Variants in MARCHF2 observed in about 807,000 individuals in gnomAD.
MARCHF2 encodes E3 ubiquitin-protein ligase MARCHF2.
A neutral mutation model predicts 24.0 loss-of-function variants in MARCHF2; 22 were observed. The observed-to-expected ratio is 0.92, with a 90% CI of 0.66 to 1.31. The LOEUF is 1.31. Among genes scored for constraint, MARCHF2 ranks in the 50% most tolerant of loss-of-function variants. The pLI is 0.00. For missense variants in MARCHF2, 301 were observed against 335.3 expected (o/e 0.90, Z 0.80); for synonymous variants, 154 against 153.0 (o/e 1.01, Z -0.05).
Position 8,438,576 on chromosome 19 carries a change from G to A in MARCHF2, c.*30G>A, listed in dbSNP as rs770968286. On this transcript the variant is annotated 3_prime_UTR_variant, in exon 5 of 5. Coordinates refer to ENST00000215555, the MANE Select transcript of MARCHF2 (RefSeq NM_001005415.2). ...TGGGCTCTCCGGACCCTGCAGCAGA[G>A]AGGCCAGAGGTAGCTGGTGATACCC... 5 of 1,608,886 alleles carry A rather than the reference G, an allele frequency of 3.1e-6. No individual in the cohort carries two copies. The highest frequency in any genetic ancestry group is 4.2e-6 in the Non-Finnish European group (5 of 1,176,928).
chr19:8,426,681 C>T lies in MARCHF2; in HGVS notation c.249C>T (p.Thr83=), dbSNP rs149294406. 5.2e-5 allele frequency: 84 copies of T among 1,613,828 alleles called. No homozygotes were observed. Among genetic ancestry groups the T allele is most frequent in the East Asian group, 6.7e-5 (3 of 44,898 alleles). The stretch of plus-strand genomic sequence containing the variant: ...GCTTGCTGTCCCCGTGTGGCTGCAC[C>T]GGCACGCTGGGTGCCGTGCATAAGA... The part of the protein sequence containing the change: ...GECLLSPCGC[T]GTLGAVHKSC... The change falls in exon 3 of 5, where the codon ACC becomes ACT. Residue 83 remains threonine, a synonymous_variant. Coordinates refer to ENST00000215555, the MANE Select transcript of MARCHF2 (RefSeq NM_001005415.2).
At chr19:8,428,087 C>G (rs891710316) in intron 3 of MARCHF2, among the ~76,000 whole-genome samples, 6 of 152,150 alleles carry the variant, frequency 3.9e-5, no homozygotes, top group Non-Finnish European at 2.9e-5. Context: ...GGTGAAACCC[C>G]ATCTCTACTA....
intron 2 of MARCHF2, 128 bp downstream of exon 2, chr19:8,422,144 G>C: frequency 1.0e-6 from 1 of 968,688 alleles, no homozygotes; most frequent in Non-Finnish European, 1.5e-6. Flanking sequence ...TAGAGAAAGA[G>C]ACACAAACAG....
At chr19:8,420,180 T>TA (rs992540370) in intron 1 of MARCHF2, among the ~76,000 whole-genome samples, 3 of 132,918 alleles carry the variant, frequency 2.3e-5, no homozygotes, top group African/African-American at 8.5e-5. Flanking sequence ...AATAAATAAA[T>TA]AAATAAATAA....
chr19:8,428,576 G>C (rs1967477798), intron 3 of MARCHF2, among the ~76,000 whole-genome samples: 1 of 148,518 alleles, frequency 6.7e-6, no homozygotes, highest in Admixed American at 6.8e-5. Context: ...CTTAAAGCTG[G>C]GAGGCGGAGT....
chr19:8,429,625 C>T (rs1967521856), intron 3 of MARCHF2, among the ~76,000 whole-genome samples: 1 of 151,554 alleles, frequency 6.6e-6, no homozygotes, highest in Non-Finnish European at 1.5e-5. Flanking sequence ...CTGCCTCAGC[C>T]TCCTGAGTAG....
At chr19:8,424,197 G>A (rs1967333322) in intron 2 of MARCHF2, among the ~76,000 whole-genome samples, 2 of 152,246 alleles carry the variant, frequency 1.3e-5, no homozygotes, top group South Asian at 4.1e-4. Flanking sequence ...CCCAGAGACT[G>A]GGCCAGGGCT....
chr19:8,413,647 T>C (rs1384773452), intron 1 of MARCHF2: 1 of 152,124 alleles, frequency 6.6e-6, no homozygotes, highest in African/African-American at 2.4e-5. Flanking sequence ...CCTGTGAAAC[T>C]GGGTCATCCC....
At chr19:8,421,247 C>T (rs968546614) in intron 1 of MARCHF2, among the ~76,000 whole-genome samples, 1 of 151,850 alleles carries the variant, frequency 6.6e-6, no homozygotes, top group Non-Finnish European at 1.5e-5. Flanking sequence ...CTCAGCCTCC[C>T]AAGTAGCTGG....
rs1323132640 is a variant in MARCHF2 at position 8,430,628 on chromosome 19, C to A, written c.373-30C>A. 2 of 1,590,594 alleles carry A rather than the reference C, an allele frequency of 1.3e-6. No individual in the cohort carries two copies. The highest frequency in any genetic ancestry group is 1.7e-6 in the Non-Finnish European group (2 of 1,169,080). ...CTCAGTAGCCCCTTCTCTGCCCCCT[C>A]TCCTCTGCCCCCTATCCTCTCCCCT... On this transcript the variant is annotated intron_variant, in intron 3 of 4. Transcript: ENST00000215555. The surrounding 1 kb of genome is among the most constrained non-coding windows in gnomAD (Gnocchi z 4.4).
chr19:8,419,775 C>T, intron 1 of MARCHF2, among the ~76,000 whole-genome samples: 1 of 142,504 alleles, frequency 7.0e-6, no homozygotes, highest in East Asian at 2.0e-4. Flanking sequence ...GAGATCAGGC[C>T]ACTGCACTCC....
At position 8,422,191 on chromosome 19, in the gene MARCHF2, G is replaced by A. The variant is rs183237121; in HGVS notation, c.176+175G>A. The stretch of plus-strand genomic sequence containing the variant: ...TGGAAACAGAGGCCTAGCTTTGGCC[G>A]GGTCTGATTCTTTAGGAAAAGCTGA... On this transcript the variant is annotated intron_variant, in intron 2 of 4. Transcript: ENST00000215555. 3.1e-3 allele frequency among the ~76,000 whole-genome samples: 467 copies of A among 152,264 alleles called. 4 individuals are homozygous for A. The highest frequency in any genetic ancestry group is 0.01 in the African/African-American group (434 of 41,568).
chr19:8,426,148 G>A (rs1309486360), intron 2 of MARCHF2, among the ~76,000 whole-genome samples: 3 of 149,532 alleles, frequency 2.0e-5, no homozygotes, highest in Non-Finnish European at 3.0e-5. Context: ...GGAGAATGGC[G>A]TGAACCCGGG....
chr19:8,430,527 T>C lies in MARCHF2; in HGVS notation c.373-131T>C. On this transcript the variant is annotated intron_variant, in intron 3 of 4. Coordinates refer to ENST00000215555, the MANE Select transcript of MARCHF2 (RefSeq NM_001005415.2). This position sits in a 1 kb window ranked among gnomAD's most constrained non-coding sequence, Gnocchi z 4.4. ...TCCATCCTGGGCAACAGAGTGAGAA[T>C]CTGTCTCAAAAAAAAAAAAAAGAAA... 1 of 679,720 alleles carries C rather than the reference T, an allele frequency of 1.5e-6. No homozygotes were observed. The allele number at this position is 679,720 out of a possible 1,614,324, so 42.1% of individuals were successfully genotyped here.
At chr19:8,414,176 A>ACTCT (rs1967019189) in intron 1 of MARCHF2, among the ~76,000 whole-genome samples, 1 of 152,058 alleles carries the variant, frequency 6.6e-6, no homozygotes, top group Admixed American at 6.6e-5. Context: ...CTCATCAACA[A>ACTCT]CTCTGTAAGC....
At chr19:8,415,660 G>T (rs1386446831) in intron 1 of MARCHF2, among the ~76,000 whole-genome samples, 2 of 138,686 alleles carry the variant, frequency 1.4e-5, no homozygotes, top group Non-Finnish European at 3.0e-5. Context: ...GGCGGAGGTT[G>T]CAGAGAACCG....
At chr19:8,422,053 G>T in intron 2 of MARCHF2, 37 bp downstream of exon 2, 1 of 1,569,486 alleles carries the variant, frequency 6.4e-7, no homozygotes, top group Non-Finnish European at 8.7e-7. Flanking sequence ...GGCCTTTGTT[G>T]CCTCTTCTCT....
chr19:8,425,541 C>T (rs879388192), intron 2 of MARCHF2, among the ~76,000 whole-genome samples: 1 of 152,040 alleles, frequency 6.6e-6, no homozygotes, highest in Non-Finnish European at 1.5e-5. Flanking sequence ...CTACTGCTCC[C>T]GGCCTGGTGT....
chr19:8,423,472 C>A (rs760728303), intron 2 of MARCHF2: 8 of 151,268 alleles, frequency 5.3e-5, no homozygotes, highest in Non-Finnish European at 8.8e-5. Flanking sequence ...GGTTGGTTTC[C>A]GGACAAAGGG....
Sources: gnomAD v4.1 joint callset for allele counts (sites outside exome capture counted in the v4.1 genomes callset) on GRCh38, gnomAD v4.1.1 for gene constraint, Gnocchi (gnomAD v3.1) non-coding constraint, MANE v1.5 for transcripts, NCBI Gene and HGNC (gene_info 2026-07-23, HGNC 2026-07-21) for gene names.